Variants in KALRN observed in about 807,000 individuals in gnomAD.
KALRN encodes the protein kalirin RhoGEF kinase, also known as kalirin.
A neutral mutation model predicts 353.7 loss-of-function variants in KALRN; 70 were observed. The observed-to-expected ratio is 0.20, with a 90% CI of 0.16 to 0.24. KALRN has a LOEUF of 0.24. Among genes scored for constraint, KALRN ranks in the 10% least tolerant of loss-of-function variants. KALRN has a pLI of 1.00. For synonymous variants in KALRN, 1,391 were observed against 1,434.8 expected, an observed-to-expected ratio of 0.97 and a Z score of 0.69; for missense variants, 2,791 against 3,756.7, an observed-to-expected ratio of 0.74 and a Z score of 6.72.
At chr3:124,380,539 C>A (rs549692261) in intron 10 of KALRN, among the ~76,000 whole-genome samples, 6 of 152,262 alleles carry the variant, frequency 3.9e-5, no homozygotes, top group African/African-American at 1.4e-4. Flanking sequence ...GCACTCATAA[C>A]CCATTTTTGG....
intron 1 of KALRN, among the ~76,000 whole-genome samples, chr3:124,147,022 A>G (rs1345121350): frequency 6.6e-6 from 1 of 152,102 alleles, no homozygotes; most frequent in African/African-American, 2.4e-5. Flanking sequence ...CATGTGCTTT[A>G]TATAAATTAT....
chr3:124,426,590 A>G (rs1487889098), intron 15 of KALRN, among the ~76,000 whole-genome samples: 1 of 152,206 alleles, frequency 6.6e-6, no homozygotes, highest in Non-Finnish European at 1.5e-5. Flanking sequence ...AATGAAATTG[A>G]TTGATGCAAC....
At chr3:124,460,197 A>C (rs2059711044) in intron 23 of KALRN, among the ~76,000 whole-genome samples, 1 of 152,180 alleles carries the variant, frequency 6.6e-6, no homozygotes, top group Admixed American at 6.5e-5. Flanking sequence ...GTTTCCAAAT[A>C]AGACCAAAAT....
intron 34 of KALRN, among the ~76,000 whole-genome samples, chr3:124,610,632 C>G (rs1174557644): frequency 7.5e-6 from 1 of 132,458 alleles, no homozygotes; most frequent in Non-Finnish European, 1.5e-5. Context: ...ATTAACTAAC[C>G]CTGGGGGGGG....
intron 51 of KALRN, among the ~76,000 whole-genome samples, chr3:124,685,106 AAAG>A (rs2061500984): frequency 6.6e-6 from 1 of 152,194 alleles, no homozygotes; most frequent in African/African-American, 2.4e-5. Context: ...CATTTTATAA[AAAG>A]AATTTTTTCA....
intron 32 of KALRN, among the ~76,000 whole-genome samples, chr3:124,495,981 A>G (rs764365167): frequency 0.17 from 7,378 of 44,214 alleles, 1,377 homozygotes; most frequent in Non-Finnish European, 0.19. Flanking sequence ...ATATATATAT[A>G]TATATATATA....
intron 1 of KALRN, among the ~76,000 whole-genome samples, chr3:124,081,653 C>T (rs547507505): frequency 6.6e-6 from 1 of 152,118 alleles, no homozygotes; most frequent in Non-Finnish European, 1.5e-5. Flanking sequence ...CACCTGTAGT[C>T]CAGCTACTCA....
chr3:124,396,512 A>G (rs1237062388), intron 12 of KALRN, among the ~76,000 whole-genome samples: 5 of 152,178 alleles, frequency 3.3e-5, no homozygotes, highest in Admixed American at 3.3e-4. Context: ...TTCCGAAGAG[A>G]ATTCCTAATA....
intron 9 of KALRN, among the ~76,000 whole-genome samples, chr3:124,340,680 C>T (rs756199983): frequency 6.6e-6 from 1 of 152,064 alleles, no homozygotes; most frequent in South Asian, 2.1e-4. Context: ...TCCAGCTGGG[C>T]GTGGTGGCTC....
At chr3:124,113,875 CT>C (rs1352182790) in intron 1 of KALRN, among the ~76,000 whole-genome samples, 1 of 152,216 alleles carries the variant, frequency 6.6e-6, no homozygotes, top group Non-Finnish European at 1.5e-5. Flanking sequence ...TCATCATATT[CT>C]GGGCAGTATC....
At chr3:124,122,150 G>GA (rs1301967435) in intron 1 of KALRN, among the ~76,000 whole-genome samples, 8 of 152,184 alleles carry the variant, frequency 5.3e-5, no homozygotes, top group African/African-American at 1.7e-4. Context: ...AAGAGAAAGA[G>GA]AAAAAATTCC....
chr3:124,146,648 C>T (rs2149839332), intron 1 of KALRN, among the ~76,000 whole-genome samples: 1 of 152,108 alleles, frequency 6.6e-6, no homozygotes, highest in East Asian at 1.9e-4. Context: ...GAGGCCGAGG[C>T]AGGCAGATCA....
At chr3:124,570,302 T>G (rs2073367818) in intron 34 of KALRN, among the ~76,000 whole-genome samples, 1 of 152,216 alleles carries the variant, frequency 6.6e-6, no homozygotes, top group African/African-American at 2.4e-5. Context: ...CTGATTTACT[T>G]TATCCTACAG....
chr3:124,288,411 G>T (rs2076138660), intron 5 of KALRN, among the ~76,000 whole-genome samples: 1 of 152,042 alleles, frequency 6.6e-6, no homozygotes, highest in Non-Finnish European at 1.5e-5. Context: ...ACCAATATAG[G>T]GATGGAATGA....
intron 33 of KALRN, among the ~76,000 whole-genome samples, chr3:124,539,547 C>G (rs1168581180): frequency 6.6e-6 from 1 of 152,100 alleles, no homozygotes; most frequent in Non-Finnish European, 1.5e-5. Context: ...CAGCACAAAG[C>G]AAAACAGAGG....
At position 124,413,547 on chromosome 3, in the gene KALRN, G is replaced by A. The variant is rs764098345; in HGVS notation, c.2424G>A (p.Leu808=). The A allele has an allele frequency of 6.2e-7, 1 of 1,614,108 alleles. No individual in the cohort carries two copies. The highest frequency in any genetic ancestry group is 8.5e-7 in the Non-Finnish European group (1 of 1,180,020). The change falls in exon 14 of 60, where the codon CTG becomes CTA. Residue 808 remains leucine (L), a synonymous_variant. Transcript: ENST00000682506. Reference sequence around the variant, plus strand: ...ACTTCAACACAGAGGACCTAACCCTGGCAGAACAGCGGCTGCAGCGCCACA... The same window carrying A: ...ACTTCAACACAGAGGACCTAACCCTAGCAGAACAGCGGCTGCAGCGCCACA... ...MNDFNTEDLT[L]AEQRLQRHTE...
chr3:124,623,818 A>G (rs1322646264), intron 34 of KALRN, among the ~76,000 whole-genome samples: 1 of 152,202 alleles, frequency 6.6e-6, no homozygotes, highest in Non-Finnish European at 1.5e-5. Context: ...AAGGCTACCT[A>G]AGTAGAAGAA....
chr3:124,687,134 T>G (rs1443310607), intron 51 of KALRN, among the ~76,000 whole-genome samples: 1 of 152,122 alleles, frequency 6.6e-6, no homozygotes, highest in Non-Finnish European at 1.5e-5. Context: ...AATGTTAATC[T>G]GTTACATAGC....
In KALRN at chr3:124,725,009, G is replaced by T. The variant is rs1042871925; in HGVS notation, c.*5539G>T. The T allele has an allele frequency of 6.6e-6, 1 of 152,206 alleles. No individual in the cohort carries two copies. Among genetic ancestry groups the T allele is most frequent in the African/African-American group, 2.4e-5 (1 of 41,456 alleles). 9.4% of individuals were successfully genotyped at this position (152,206 alleles called of 1,614,324 possible). ...TATTTCAGATAGTGAGGTTAGCTGAGAAAAGGAAGCATGGTAGAAGAAATG... is the reference window on the plus strand; with the variant it reads ...TATTTCAGATAGTGAGGTTAGCTGATAAAAGGAAGCATGGTAGAAGAAATG... On this transcript the variant is annotated 3_prime_UTR_variant, in exon 60 of 60. Transcript: ENST00000682506.
Sources: gnomAD v4.1 joint callset for allele counts (sites outside exome capture counted in the v4.1 genomes callset) on GRCh38, gnomAD v4.1.1 for gene constraint, MANE v1.5 for transcripts, NCBI Gene and HGNC (gene_info 2026-07-23, HGNC 2026-07-21) for gene names.